The following RGS17 variants were observed in gnomAD, a reference collection of about 807,000 sequenced individuals.
The protein encoded by RGS17 is regulator of G protein signaling 17.
A neutral mutation model predicts 25.5 loss-of-function variants in RGS17; 12 were observed. The observed-to-expected ratio is 0.47, with a 90% confidence interval of 0.30 to 0.76. The LOEUF is 0.76. Among genes scored for constraint, RGS17 ranks in the 30% least tolerant of loss-of-function variants. The pLI is 0.07. For missense variants in RGS17, 196 were observed against 242.2 expected, an observed-to-expected ratio of 0.81 and a Z score of 1.27; for synonymous variants, 71 against 76.9, an observed-to-expected ratio of 0.92 and a Z score of 0.40.
At chr6:153,123,754 C>T (rs1400085019) in intron 1 of RGS17, among the ~76,000 whole-genome samples, 4 of 152,106 alleles carry the variant, frequency 2.6e-5, no homozygotes, top group Non-Finnish European at 4.4e-5. Context: ...AATGTGGACC[C>T]GGAAGAAGGG....
At chr6:153,088,543 T>C (rs1300542025) in intron 1 of RGS17, among the ~76,000 whole-genome samples, 1 of 152,206 alleles carries the variant, frequency 6.6e-6, no homozygotes, top group African/African-American at 2.4e-5. Flanking sequence ...CCTTTTTACA[T>C]GTTTATTTTA....
At chr6:153,052,974 C>T (rs1288855207) in intron 1 of RGS17, among the ~76,000 whole-genome samples, 1 of 152,146 alleles carries the variant, frequency 6.6e-6, no homozygotes, top group African/African-American at 2.4e-5. Flanking sequence ...CAGTAGTCTG[C>T]AGCCTAAAAG....
Position 153,006,483 on chromosome 6 carries a change from T to G in RGS17, c.*5091A>C, listed in dbSNP as rs186182968. On this transcript the variant is annotated 3_prime_UTR_variant, in exon 5 of 5. Coordinates refer to ENST00000206262, the MANE Select transcript of RGS17 (RefSeq NM_012419.5). ...CATTGAAAGAAACATTTCTATAGAT[T>G]TGAGGTGATGGTGAACTGAAAGTAC... is the stretch of plus-strand genomic sequence containing the variant. 1.3e-5 allele frequency: 2 copies of G among 152,594 alleles called. No homozygotes were observed. Among genetic ancestry groups the G allele is most frequent in the African/African-American group, 4.8e-5 (2 of 41,436 alleles). 9.5% of individuals were successfully genotyped at this position (152,594 alleles called of 1,614,324 possible).
chr6:153,116,480 G>A (rs1777549120), intron 1 of RGS17, among the ~76,000 whole-genome samples: 1 of 152,198 alleles, frequency 6.6e-6, no homozygotes, highest in African/African-American at 2.4e-5. Context: ...TGGTGGGAGT[G>A]TAAATTAGTT....
At chr6:153,054,044 T>TACACACA (rs1491485566) in intron 1 of RGS17, among the ~76,000 whole-genome samples, 13 of 86,384 alleles carry the variant, frequency 1.5e-4, no homozygotes, top group Admixed American at 6.2e-4. Context: ...CATATATATG[T>TACACACA]ATATATGTAT....
intron 1 of RGS17, among the ~76,000 whole-genome samples, chr6:153,058,786 C>T (rs968146813): frequency 6.6e-6 from 1 of 152,158 alleles, no homozygotes; most frequent in Non-Finnish European, 1.5e-5. Context: ...CAGCATATAT[C>T]TATGCAACTG....
chr6:153,032,320 A>G (rs1323959192), intron 2 of RGS17, among the ~76,000 whole-genome samples: 1 of 152,058 alleles, frequency 6.6e-6, no homozygotes, highest in Non-Finnish European at 1.5e-5. Context: ...GTTATAAAAC[A>G]CCTGCCTAAA....
At chr6:153,112,592 G>A (rs999096555) in intron 1 of RGS17, among the ~76,000 whole-genome samples, 1 of 152,074 alleles carries the variant, frequency 6.6e-6, no homozygotes, top group Non-Finnish European at 1.5e-5. Flanking sequence ...GATACTCCTC[G>A]AGAAGAGCAA....
chr6:153,041,192 C>A (rs929695896), intron 2 of RGS17, among the ~76,000 whole-genome samples: 1 of 151,896 alleles, frequency 6.6e-6, no homozygotes, highest in South Asian at 2.1e-4. Context: ...AAATAATAAT[C>A]AAGTGGTTTA....
intron 1 of RGS17, among the ~76,000 whole-genome samples, chr6:153,072,290 T>C (rs925282895): frequency 6.6e-6 from 1 of 152,076 alleles, no homozygotes; most frequent in Non-Finnish European, 1.5e-5. Flanking sequence ...ATAACACACA[T>C]AGGTTATCAT....
intron 1 of RGS17, among the ~76,000 whole-genome samples, chr6:153,069,533 A>C: frequency 6.6e-6 from 1 of 152,280 alleles, no homozygotes; most frequent in African/African-American, 2.4e-5. Context: ...GGAATGAATA[A>C]GACCTACCAT....
intron 1 of RGS17, among the ~76,000 whole-genome samples, chr6:153,052,114 A>G (rs1776469513): frequency 6.6e-6 from 1 of 152,196 alleles, no homozygotes; most frequent in Non-Finnish European, 1.5e-5. Context: ...TCAACAAGTT[A>G]GATTACCTCC....
Position 153,043,087 on chromosome 6 carries a change from G to A in RGS17, c.119+813C>T, listed in dbSNP as rs550679538. On this transcript the variant is annotated intron_variant, in intron 2 of 4. Transcript: ENST00000206262. ...TCTGCATAAATGTTAGGCACTTTACGAATCCGGAACTCGAGCAGGTTCTCT... is the reference window on the plus strand; with the variant it reads ...TCTGCATAAATGTTAGGCACTTTACAAATCCGGAACTCGAGCAGGTTCTCT... Among the ~76,000 whole-genome samples, 8 of 152,286 alleles carry A rather than the reference G, an allele frequency of 5.3e-5. No homozygotes were observed. In the South Asian group the frequency reaches 6.2e-4, roughly 12 times the overall value.
intron 1 of RGS17, among the ~76,000 whole-genome samples, chr6:153,129,069 T>A (rs1339754437): frequency 6.6e-6 from 1 of 152,222 alleles, no homozygotes; most frequent in Non-Finnish European, 1.5e-5. Context: ...GGCTCTGAGA[T>A]CACGTGTCAT....
At chr6:153,114,768 G>C (rs1232109583) in intron 1 of RGS17, among the ~76,000 whole-genome samples, 1 of 152,168 alleles carries the variant, frequency 6.6e-6, no homozygotes, top group African/African-American at 2.4e-5. Context: ...TGCAAGGCTA[G>C]TTCAACATAT....
chr6:153,012,961 A>C (rs1779149252), intron 4 of RGS17, among the ~76,000 whole-genome samples: 1 of 152,166 alleles, frequency 6.6e-6, no homozygotes, highest in Non-Finnish European at 1.5e-5. Flanking sequence ...GCTACACCCC[A>C]GGGATGGCTA....
chr6:153,051,854 G>A (rs1443519991), intron 1 of RGS17, among the ~76,000 whole-genome samples: 2 of 152,200 alleles, frequency 1.3e-5, no homozygotes, highest in African/African-American at 4.8e-5. Context: ...TTGATAAGGA[G>A]ATTAGTATGG....
chr6:153,015,826 T>G (rs976527848), intron 4 of RGS17, among the ~76,000 whole-genome samples: 2 of 152,112 alleles, frequency 1.3e-5, no homozygotes, highest in African/African-American at 4.8e-5. Flanking sequence ...GCTAATTTTT[T>G]GTATTTTTAG....
chr6:153,109,500 G>A (rs1037136138), intron 1 of RGS17, among the ~76,000 whole-genome samples: 6 of 152,174 alleles, frequency 3.9e-5, no homozygotes, highest in African/African-American at 1.2e-4. Context: ...TTTAGCAGCC[G>A]CACATTTGGT....
Sources: allele counts gnomAD v4.1 joint callset (sites outside exome capture counted in the v4.1 genomes callset), GRCh38; gene constraint gnomAD v4.1.1; transcripts MANE v1.5; gene names NCBI Gene and HGNC (gene_info 2026-07-23, HGNC 2026-07-21).